PTCH1: variants seen among roughly 807,000 people sequenced by gnomAD.
The protein encoded by PTCH1 is protein patched homolog 1.
PTCH1 carries 14 observed loss-of-function variants against 144.6 expected under a neutral mutation model. The ratio of observed to expected loss-of-function variants is 0.10; its 90% CI spans 0.06 to 0.15. The LOEUF (loss-of-function observed/expected upper bound fraction) is 0.15, where lower values mean the gene tolerates loss of function less well. PTCH1 is among the 10% of genes least tolerant of loss of function. The probability of loss-of-function intolerance (pLI) is 1.00; values close to 1 mark genes in which losing one functional copy is unlikely to be tolerated. For missense variants in PTCH1, 1,623 were observed against 1,948.3 expected, an observed-to-expected ratio of 0.83 and a Z score of 3.14; for synonymous variants, 833 against 793.6, an observed-to-expected ratio of 1.05 and a Z score of -0.83.
intron 16 of PTCH1, among the ~76,000 whole-genome samples, chr9:95,461,575 A>G (rs1404801375): frequency 6.6e-6 from 1 of 152,078 alleles, no homozygotes; most frequent in Non-Finnish European, 1.5e-5. Context: ...AAGAGCCTGC[A>G]CTCTCTTGGC....
chr9:95,495,023 C>T (rs28633576), intron 2 of PTCH1: 25,922 of 152,348 alleles, frequency 0.17, 2,644 homozygotes, highest in Non-Finnish European at 0.22. Flanking sequence ...CACCTTCGCA[C>T]GCAGGCTCCC....
Position 95,508,959 on chromosome 9 carries a change from C to T in PTCH1, c.-598G>A, listed in dbSNP as rs1044854239. Among the ~76,000 whole-genome samples the T allele has an allele frequency of 6.6e-6, 1 of 151,592 alleles. No homozygotes were observed. The highest frequency in any genetic ancestry group is 2.4e-5 in the African/African-American group (1 of 41,352). On this transcript the variant is annotated 5_prime_UTR_variant, in exon 1 of 24. Coordinates refer to ENST00000331920, the MANE Select transcript of PTCH1 (RefSeq NM_000264.5). Reference sequence around the variant, plus strand: ...GGGCAGCCGCAGCTGCCGCTGCTCCCGCGGTGGCTGCTGCTGGCGGTGGCG... The same window carrying T: ...GGGCAGCCGCAGCTGCCGCTGCTCCTGCGGTGGCTGCTGCTGGCGGTGGCG...
chr9:95,480,320 G>A (rs1841427402), intron 6 of PTCH1, 70 bp downstream of exon 6: 1 of 1,569,608 alleles, frequency 6.4e-7, no homozygotes, highest in South Asian at 1.1e-5. Context: ...ATAATAAAGT[G>A]AACGATGAAT....
At chr9:95,508,066 A>T in intron 1 of PTCH1, 95 bp downstream of exon 1, 3 of 1,573,962 alleles carry the variant, frequency 1.9e-6, no homozygotes, top group Non-Finnish European at 2.6e-6. Flanking sequence ...TGTGAGAGAG[A>T]GAGGAAGAGA....
intron 3 of PTCH1, chr9:95,482,489 T>C (rs964954444): frequency 6.4e-6 from 3 of 467,168 alleles, no homozygotes; most frequent in African/African-American, 5.9e-5. Context: ...GTTTACACCA[T>C]TAATCTGCTT....
chr9:95,464,036 C>A (rs904338032), intron 15 of PTCH1, among the ~76,000 whole-genome samples: 5 of 152,166 alleles, frequency 3.3e-5, no homozygotes, highest in Admixed American at 2.0e-4. Flanking sequence ...GAGGGTGAAA[C>A]AAAGGAAGAA....
chr9:95,489,441 T>C (rs1460507086), intron 2 of PTCH1, among the ~76,000 whole-genome samples: 1 of 151,406 alleles, frequency 6.6e-6, no homozygotes, highest in African/African-American at 2.4e-5. Context: ...CTCAACCTCC[T>C]GGGCTTAAGC....
intron 22 of PTCH1, among the ~76,000 whole-genome samples, chr9:95,447,818 C>T (rs1017179380): frequency 1.3e-5 from 2 of 152,220 alleles, no homozygotes; most frequent in Admixed American, 6.5e-5. Context: ...GCTAAGTGTG[C>T]GGCCCTGGCT....
chr9:95,509,600 C>A (rs913163368), upstream of PTCH1, among the ~76,000 whole-genome samples: 1 of 152,176 alleles, frequency 6.6e-6, no homozygotes, highest in Non-Finnish European at 1.5e-5. Flanking sequence ...TTTGCGCGCA[C>A]ACACGCGCGC....
chr9:95,471,736 G>C (rs1840602912), intron 12 of PTCH1, among the ~76,000 whole-genome samples: 1 of 152,146 alleles, frequency 6.6e-6, no homozygotes, highest in Admixed American at 6.5e-5. Flanking sequence ...GGCTTCAGCA[G>C]GGTTTATAAG....
At chr9:95,459,349 G>A (rs891893685) in intron 17 of PTCH1, among the ~76,000 whole-genome samples, 2 of 152,208 alleles carry the variant, frequency 1.3e-5, no homozygotes, top group South Asian at 4.1e-4. Flanking sequence ...TGAGAGCAAC[G>A]CCTAATGAAC....
At position 95,458,149 on chromosome 9, in the gene PTCH1, T is replaced by C. The variant is rs780425276; in HGVS notation, c.3032A>G (p.Asn1011Ser). Residue 1011 changes from asparagine to serine, a missense_variant, in exon 18 of 24, where the codon AAC (asparagine) becomes AGC (serine). Asn to Ser is a conservative substitution (Grantham distance 46). Transcript: ENST00000331920. This position sits in a 1 kb window ranked among gnomAD's most constrained non-coding sequence, Gnocchi z 4.7. ...CTCCCAGAAGAGGAAGGGGTAGCCG[T>C]TGGGGTAACTGGACAGCCCCAGGCT... ...YTSLGLSSYP[N>S]GYPFLFWEQY... 6 of 1,614,040 alleles carry C rather than the reference T, an allele frequency of 3.7e-6. No individual in the cohort carries two copies. Among genetic ancestry groups the C allele is most frequent in the South Asian group, 2.2e-5 (2 of 91,084 alleles).
At chr9:95,514,664 T>C (rs1386484067) in intron 1 of PTCH1, 2 of 145,898 alleles carry the variant, frequency 1.4e-5, no homozygotes, top group South Asian at 2.1e-4. Flanking sequence ...GAGAGAGGAA[T>C]GAGGATAAAA....
At position 95,516,633 on chromosome 9, in the gene PTCH1, C is replaced by G. The variant is rs751304489; in HGVS notation, c.-162G>C. 2 of 1,609,304 alleles carry G rather than the reference C, an allele frequency of 1.2e-6. No homozygotes were observed. Among genetic ancestry groups the G allele is most frequent in the Non-Finnish European group, 1.7e-6 (2 of 1,178,408 alleles). On this transcript the variant is annotated 5_prime_UTR_variant, in exon 1 of 23. Transcript: ENST00000430669. ...TCGTCTCCCCCTTGCCTTGTCGCTG[C>G]GGGTCTCTTTGTCTCCCCTGTCGTC...
chr9:95,492,777 A>C (rs887281677), intron 2 of PTCH1, among the ~76,000 whole-genome samples: 1 of 151,954 alleles, frequency 6.6e-6, no homozygotes, highest in African/African-American at 2.4e-5. Flanking sequence ...TTTAAAGTAC[A>C]ACCATGTTGC....
At position 95,508,700 on chromosome 9, in the gene PTCH1, C is replaced by T. The variant is rs1843957360; in HGVS notation, c.-339G>A. ...AGCCGGCGCGCCGAGCGAGCCTGTCCTTCGGGCGCTTCCGCGGCACTCCTT... is the reference window on the plus strand; with the variant it reads ...AGCCGGCGCGCCGAGCGAGCCTGTCTTTCGGGCGCTTCCGCGGCACTCCTT... On this transcript the variant is annotated 5_prime_UTR_variant, in exon 1 of 24. Transcript: ENST00000331920. 2.0e-6 allele frequency: 2 copies of T among 986,986 alleles called. No homozygotes were observed. Among genetic ancestry groups the T allele is most frequent in the South Asian group, 4.7e-5 (1 of 21,304 alleles). The allele number at this position is 986,986 out of a possible 1,614,324, so 61.1% of individuals were successfully genotyped here. A position where few individuals can be genotyped will look rare whatever the true frequency, so the allele number is the denominator to read the frequency against.
intron 1 of PTCH1, among the ~76,000 whole-genome samples, chr9:95,515,656 C>G (rs1844330228): frequency 6.6e-6 from 1 of 152,220 alleles, no homozygotes; most frequent in South Asian, 2.1e-4. Flanking sequence ...CCGGGCTCCC[C>G]TGAGGCCGCA....
chr9:95,453,532 G>A lies in PTCH1; in HGVS notation c.3395C>T (p.Ser1132Phe), dbSNP rs1588528503. The A allele has an allele frequency of 6.2e-7, 1 of 1,614,142 alleles. No homozygotes were observed. Among genetic ancestry groups the A allele is most frequent in the Non-Finnish European group, 8.5e-7 (1 of 1,180,042 alleles). The change falls in exon 20 of 24, where the codon TCC (serine) becomes TTC (phenylalanine). Residue 1132 changes from serine (S) to phenylalanine (F), a missense_variant. Transcript: ENST00000331920. ...MFAPVLDGAV[S>F]TLLGVLMLAG... is the part of the protein sequence containing the mutation. ...CAGCATCAGCACTCCCAGCAGAGTG[G>A]ACACGGCGCCATCCAGGACGGGTGC...
intron 2 of PTCH1, among the ~76,000 whole-genome samples, chr9:95,491,282 A>C (rs1842391044): frequency 6.6e-6 from 1 of 152,220 alleles, no homozygotes; most frequent in Non-Finnish European, 1.5e-5. Flanking sequence ...GGCAGTGAGA[A>C]TGGAAACCGG....
Sources: gnomAD v4.1 joint callset for allele counts (sites outside exome capture counted in the v4.1 genomes callset) on GRCh38, gnomAD v4.1.1 for gene constraint, Gnocchi (gnomAD v3.1) non-coding constraint, MANE v1.5 for transcripts, NCBI Gene and HGNC (gene_info 2026-07-23, HGNC 2026-07-21) for gene names.